The following KCTD9 variants were observed in gnomAD, a reference collection of about 807,000 sequenced individuals.
The protein encoded by KCTD9 is BTB/POZ domain-containing protein KCTD9.
In KCTD9, 17 loss-of-function variants were observed where a neutral mutation model predicts 53.3. The ratio of observed to expected loss-of-function variants is 0.32; its 90% CI spans 0.22 to 0.48. The LOEUF (loss-of-function observed/expected upper bound fraction) is 0.48. Among genes scored for constraint, KCTD9 ranks in the 20% least tolerant of loss-of-function variants. The probability of loss-of-function intolerance (pLI) is 0.99; values close to 1 mark genes in which losing one functional copy is unlikely to be tolerated. For missense variants in KCTD9, 179 were observed against 465.5 expected (o/e 0.38, Z 5.66); for synonymous variants, 128 against 162.7 (o/e 0.79, Z 1.62).
At chr8:25,456,635 A>C (rs1802439696) in intron 1 of KCTD9, among the ~76,000 whole-genome samples, 1 of 152,184 alleles carries the variant, frequency 6.6e-6, no homozygotes, top group Non-Finnish European at 1.5e-5. Context: ...TCTCTAGCAG[A>C]ATATTTTTAA....
intron 1 of KCTD9, among the ~76,000 whole-genome samples, chr8:25,452,645 C>G (rs1209118704): frequency 6.6e-6 from 1 of 152,156 alleles, no homozygotes; most frequent in Non-Finnish European, 1.5e-5. Flanking sequence ...GATTAACTAC[C>G]TCCCTAGAAA....
intron 4 of KCTD9, chr8:25,439,870 GT>G: frequency 9.4e-7 from 1 of 1,065,260 alleles, no homozygotes; most frequent in Non-Finnish European, 1.3e-6. Flanking sequence ...TTTAAACATT[GT>G]TTTAGTTTCC....
chr8:25,438,120 C>A (rs981339322), intron 6 of KCTD9, among the ~76,000 whole-genome samples: 2 of 152,024 alleles, frequency 1.3e-5, no homozygotes, highest in Admixed American at 6.5e-5. Context: ...ACTAGCAAAT[C>A]TTGGTAATAG....
At position 25,440,472 on chromosome 8, in the gene KCTD9, A is replaced by C. The variant is rs1482074168; in HGVS notation, c.311+105T>G. The stretch of plus-strand genomic sequence containing the variant: ...TGGTTTCAGATCACATAGTATATTT[A>C]AGCAGCATTTGAGTATCTTTTAAGG... On this transcript the variant is annotated intron_variant, in intron 4 of 11. Coordinates refer to ENST00000221200, the MANE Select transcript of KCTD9 (RefSeq NM_017634.4). The C allele has an allele frequency of 8.8e-6, 7 of 795,312 alleles. No homozygotes were observed. The Admixed American group carries it at 1.4e-4, about 16-fold the overall frequency. 49.3% of individuals were successfully genotyped at this position (795,312 alleles called of 1,614,324 possible). A position where few individuals can be genotyped will look rare whatever the true frequency, so the allele number is the denominator to read the frequency against.
At chr8:25,447,346 C>A (rs937451666) in intron 1 of KCTD9, among the ~76,000 whole-genome samples, 3 of 152,102 alleles carry the variant, frequency 2.0e-5, no homozygotes, top group African/African-American at 7.2e-5. Flanking sequence ...AAGGTTGCAC[C>A]ACTGCACTCC....
At chr8:25,456,543 C>T (rs968021110) in intron 1 of KCTD9, among the ~76,000 whole-genome samples, 7 of 152,020 alleles carry the variant, frequency 4.6e-5, no homozygotes, top group Admixed American at 4.6e-4. Flanking sequence ...ATCTAGTACT[C>T]TCCAGTTTGG....
intron 11 of KCTD9, among the ~76,000 whole-genome samples, chr8:25,430,898 C>T (rs7840399): frequency 0.28 from 42,622 of 151,546 alleles, 6,134 homozygotes; most frequent in Non-Finnish European, 0.31. Context: ...AGTGCAATCT[C>T]GGCTCACTGC....
chr8:25,444,738 CAT>C (rs895680175), intron 2 of KCTD9, among the ~76,000 whole-genome samples: 2 of 152,074 alleles, frequency 1.3e-5, no homozygotes, highest in Admixed American at 6.5e-5. Flanking sequence ...AATAAACTGT[CAT>C]ATTAAATCTA....
At chr8:25,454,948 G>A (rs999583188) in intron 1 of KCTD9, among the ~76,000 whole-genome samples, 18 of 152,084 alleles carry the variant, frequency 1.2e-4, no homozygotes, top group Middle Eastern at 3.2e-3. Flanking sequence ...AAAATAAGCC[G>A]GGCATGGTGG....
Position 25,458,422 on chromosome 8 carries a change from C to A in KCTD9, c.-176G>T. 2.8e-6 allele frequency: 2 copies of A among 711,964 alleles called. No individual in the cohort carries two copies. The highest frequency in any genetic ancestry group is 2.9e-5 in the East Asian group (1 of 35,036). The allele number at this position is 711,964 out of a possible 1,614,324, so 44.1% of individuals were successfully genotyped here. On this transcript the variant is annotated 5_prime_UTR_variant, in exon 1 of 12. Transcript: ENST00000221200. ...CGCACTCTGTCCCACACCCAAGGTTCGGCCGGTCCTCCTTCCCACCCCGCC... is the reference window on the plus strand; with the variant it reads ...CGCACTCTGTCCCACACCCAAGGTTAGGCCGGTCCTCCTTCCCACCCCGCC...
chr8:25,435,535 G>T, intron 8 of KCTD9, 23 bp from the exon 9 acceptor site: 1 of 1,574,642 alleles, frequency 6.4e-7, no homozygotes, highest in Non-Finnish European at 8.6e-7. Flanking sequence ...AGCACAAATT[G>T]TCACCATAAC....
At position 25,458,184 on chromosome 8, in the gene KCTD9, T is replaced by G; in HGVS notation, c.48+15A>C. 13 of 452,578 alleles carry G rather than the reference T, an allele frequency of 2.9e-5. No individual in the cohort carries two copies. The highest frequency in any genetic ancestry group is 3.4e-5 in the Non-Finnish European group (11 of 324,066). 28.0% of individuals were successfully genotyped at this position (452,578 alleles called of 1,614,324 possible). A position where few individuals can be genotyped will look rare whatever the true frequency, so the allele number is the denominator to read the frequency against. ...CCGACCCCCGGCCCGCCGCGCCCCC[T>G]CACGCCCCCGTTACCTTTCCGTTCT... On this transcript the variant is annotated intron_variant, in intron 1 of 11. Coordinates refer to ENST00000221200, the MANE Select transcript of KCTD9 (RefSeq NM_017634.4).
At chr8:25,443,015 A>C (rs1563247899) in intron 3 of KCTD9, among the ~76,000 whole-genome samples, 1 of 152,168 alleles carries the variant, frequency 6.6e-6, no homozygotes, top group Non-Finnish European at 1.5e-5. Flanking sequence ...TATAATCCTT[A>C]ATATAAACTT....
chr8:25,439,608 T>G lies in KCTD9; in HGVS notation c.368A>C (p.Lys123Thr). 1.2e-6 allele frequency: 2 copies of G among 1,614,158 alleles called. No homozygotes were observed. The highest frequency in any genetic ancestry group is 1.7e-6 in the Non-Finnish European group (2 of 1,179,992). The change falls in exon 5 of 12, where the codon AAA becomes ACA. Residue 123 changes from lysine (K) to threonine (T), a missense_variant and splice_region_variant. Physicochemically the swap from Lys to Thr is moderately conservative, Grantham distance 78. Coordinates refer to ENST00000221200, the MANE Select transcript of KCTD9 (RefSeq NM_017634.4). ...DSMLAHMFKDKGVWGNKQDHR... is the reference protein window; with the variant it reads ...DSMLAHMFKDTGVWGNKQDHR... ...TGAAAACAACGTGTTACACTCACCT[T>G]TGTCCTTAAACATGTGGGCCAGCAT...
In KCTD9 at chr8:25,439,649, A is replaced by G; in HGVS notation, c.327T>C (p.Asn109=). ...YFTTTRSTLV[N]KEPDSMLAHM... ...GGGCCAGCATACTGTCAGGTTCTTT[A>G]TTCACTAAAGTGCTCCTAAGAATTC... The change falls in exon 5 of 12, where the codon AAT becomes AAC. Residue 109 remains asparagine, a synonymous_variant. Coordinates refer to ENST00000221200, the MANE Select transcript of KCTD9 (RefSeq NM_017634.4). The G allele has an allele frequency of 6.2e-7, 1 of 1,614,092 alleles. No homozygotes were observed. Among genetic ancestry groups the G allele is most frequent in the Non-Finnish European group, 8.5e-7 (1 of 1,179,990 alleles).
In KCTD9 at chr8:25,448,816, G is replaced by A. The variant is rs141413841; in HGVS notation, c.49-2566C>T. On this transcript the variant is annotated intron_variant, in intron 1 of 11. Coordinates refer to ENST00000221200, the MANE Select transcript of KCTD9 (RefSeq NM_017634.4). ...TGTAGTCCCAGCTACTTGGGAGGCT[G>A]AGGCAGGAGAATTGCTTCAACCCGG... 5.1e-3 allele frequency among the ~76,000 whole-genome samples: 772 copies of A among 152,146 alleles called. 6 individuals are homozygous for A. The highest frequency in any genetic ancestry group is 8.5e-3 in the Non-Finnish European group (579 of 68,014).
chr8:25,458,188 G>GC lies in KCTD9; in HGVS notation c.48+10dup. 2 of 554,208 alleles carry GC rather than the reference G, an allele frequency of 3.6e-6. No homozygotes were observed. The highest frequency in any genetic ancestry group is 5.1e-6 in the Non-Finnish European group (2 of 389,482). 34.3% of individuals were successfully genotyped at this position (554,208 alleles called of 1,614,324 possible). On this transcript the variant is annotated intron_variant, in intron 1 of 11. Coordinates refer to ENST00000221200, the MANE Select transcript of KCTD9 (RefSeq NM_017634.4). The stretch of plus-strand genomic sequence containing the variant: ...CCCCCGGCCCGCCGCGCCCCCTCAC[G>GC]CCCCCGTTACCTTTCCGTTCTTGGG...
intron 2 of KCTD9, 143 bp from the exon 3 acceptor site, chr8:25,444,478 A>G (rs1176733136): frequency 4.3e-6 from 3 of 698,522 alleles, no homozygotes; most frequent in African/African-American, 3.7e-5. Context: ...TAAGTTTCCA[A>G]TGCTTTGTTT....
chr8:25,458,426 C>G lies in KCTD9; in HGVS notation c.-180G>C, dbSNP rs1433425465. 4.3e-6 allele frequency: 3 copies of G among 698,394 alleles called. No homozygotes were observed. The highest frequency in any genetic ancestry group is 5.7e-5 in the East Asian group (2 of 34,968). The allele number at this position is 698,394 out of a possible 1,614,324, so 43.3% of individuals were successfully genotyped here. On this transcript the variant is annotated 5_prime_UTR_variant, in exon 1 of 12. Transcript: ENST00000221200. ...CTCTGTCCCACACCCAAGGTTCGGC[C>G]GGTCCTCCTTCCCACCCCGCCCCTA...
Sources: gnomAD v4.1 joint callset for allele counts (sites outside exome capture counted in the v4.1 genomes callset) on GRCh38, gnomAD v4.1.1 for gene constraint, MANE v1.5 for transcripts, NCBI Gene and HGNC (gene_info 2026-07-23, HGNC 2026-07-21) for gene names.